Variants in BCDIN3D observed in about 807,000 individuals in gnomAD.
BCDIN3D encodes the protein RNA 5'-monophosphate methyltransferase.
A neutral mutation model predicts 21.2 loss-of-function variants in BCDIN3D; 15 were observed. The observed-to-expected ratio is 0.71, with a 90% CI of 0.47 to 1.09. The LOEUF is 1.09. Among genes scored for constraint, BCDIN3D ranks in the 50% least tolerant of loss-of-function variants. The pLI is 0.00. For synonymous variants in BCDIN3D, 127 were observed against 141.9 expected, an observed-to-expected ratio of 0.90 and a Z score of 0.75; for missense variants, 331 against 366.2, an observed-to-expected ratio of 0.90 and a Z score of 0.79.
At chr12:49,839,377 C>G (rs552086657) in intron 1 of BCDIN3D, 1 of 214,738 alleles carries the variant, frequency 4.7e-6, no homozygotes, top group African/African-American at 2.3e-5. Context: ...GACCCCAGGG[C>G]GGAAGAAAGG....
Position 49,838,533 on chromosome 12 carries a change from G to A in BCDIN3D, c.717C>T (p.Thr239=). 1 of 1,614,132 alleles carries A rather than the reference G, an allele frequency of 6.2e-7. No individual in the cohort carries two copies. Among genetic ancestry groups the A allele is most frequent in the South Asian group, 1.1e-5 (1 of 91,086 alleles). Reference sequence around the variant, plus strand: ...ATATTAATTCCATGCCATGATCCTGGGTCAAGATCTGCACAATCTGATTGG... The same window carrying A: ...ATATTAATTCCATGCCATGATCCTGAGTCAAGATCTGCACAATCTGATTGG... ...DMPNQIVQIL[T]QDHGMELICC... Residue 239 remains threonine, a synonymous_variant, in exon 2 of 2, where the codon ACC becomes ACT. Coordinates refer to ENST00000333924, the MANE Select transcript of BCDIN3D (RefSeq NM_181708.3).
rs1946511960 is a variant in BCDIN3D, at chr12:49,837,269, AGTT to A, written c.*1099_*1101del. 1 of 139,674 alleles carries A rather than the reference AGTT, an allele frequency of 7.2e-6. No homozygotes were observed. The highest frequency in any genetic ancestry group is 1.5e-5 in the Non-Finnish European group (1 of 65,202). 8.7% of individuals were successfully genotyped at this position (139,674 alleles called of 1,614,324 possible). On this transcript the variant is annotated 3_prime_UTR_variant, in exon 2 of 2. Transcript: ENST00000333924. ...ATTTGGGGACCATAAGCATGTAGGT[AGTT>A]GTTTTTTTTTTTGTTTTTTTTTTTT... is the stretch of plus-strand genomic sequence containing the variant.
rs1946519686 is a variant in BCDIN3D, at chr12:49,837,757, T to G, written c.*614A>C. Reference sequence around the variant, plus strand: ...GCCTCATTGTGAAATGTACTTAATATCACAAAATTGTATACTTTTAAAAAA... The same window carrying G: ...GCCTCATTGTGAAATGTACTTAATAGCACAAAATTGTATACTTTTAAAAAA... On this transcript the variant is annotated 3_prime_UTR_variant, in exon 2 of 2. Transcript: ENST00000333924. 6.6e-6 allele frequency: 1 copy of G among 151,554 alleles called. No homozygotes were observed. The highest frequency in any genetic ancestry group is 1.5e-5 in the Non-Finnish European group (1 of 68,034). 9.4% of individuals were successfully genotyped at this position (151,554 alleles called of 1,614,324 possible). A position where few individuals can be genotyped will look rare whatever the true frequency, so the allele number is the denominator to read the frequency against.
Position 49,838,622 on chromosome 12 carries a change from G to A in BCDIN3D, c.628C>T (p.Leu210Phe). 1 of 1,613,850 alleles carries A rather than the reference G, an allele frequency of 6.2e-7. No homozygotes were observed. Among genetic ancestry groups the A allele is most frequent in the East Asian group, 2.2e-5 (1 of 44,876 alleles). The part of the protein sequence containing the change: ...WKCYRAAARR[L>F]RKLGLHDFDH... ...AAATCATGGAGTCCCAGCTTTCGGAGACGCCTTGCAGCTGCCCGGTAACAC... is the reference window on the plus strand; with the variant it reads ...AAATCATGGAGTCCCAGCTTTCGGAAACGCCTTGCAGCTGCCCGGTAACAC... Residue 210 changes from leucine to phenylalanine, a missense_variant, in exon 2 of 2, where the codon CTC (leucine) becomes TTC (phenylalanine). Physicochemically the swap from Leu to Phe is conservative, Grantham distance 22. Coordinates refer to ENST00000333924, the MANE Select transcript of BCDIN3D (RefSeq NM_181708.3).
Position 49,843,101 on chromosome 12 carries a change from G to C in BCDIN3D, c.-14C>G. On this transcript the variant is annotated 5_prime_UTR_variant, in exon 1 of 2. Transcript: ENST00000333924. Reference sequence around the variant, plus strand: ...GGGCACCGCCATTAGCCTCAACACAGCCTCTGGGCCGTGGCGGAACCGGAA... The same window carrying C: ...GGGCACCGCCATTAGCCTCAACACACCCTCTGGGCCGTGGCGGAACCGGAA... The C allele has an allele frequency of 1.3e-6, 2 of 1,580,726 alleles. No individual in the cohort carries two copies. The highest frequency in any genetic ancestry group is 1.7e-6 in the Non-Finnish European group (2 of 1,159,762).
Position 49,838,906 on chromosome 12 carries a change from AG to A in BCDIN3D, c.343del (p.Leu115TrpfsTer2). 1 of 1,614,264 alleles carries A rather than the reference AG, an allele frequency of 6.2e-7. No homozygotes were observed. ...ACATTCTTTTTCGGCTCGCTTCACC[AG>A]GACTGGATCTATGTCGCAGCAGAGG... ...RLLCCDIDPV[L>X]VKRAEKECPF... is the part of the protein sequence containing the mutation. On this transcript the variant is annotated frameshift_variant, in exon 2 of 2. Coordinates refer to ENST00000333924, the MANE Select transcript of BCDIN3D (RefSeq NM_181708.3). LOFTEE classifies it high-confidence loss of function.
chr12:49,843,095 A>G lies in BCDIN3D; in HGVS notation c.-8T>C. The G allele has an allele frequency of 6.2e-7, 1 of 1,607,934 alleles. No individual in the cohort carries two copies. Among genetic ancestry groups the G allele is most frequent in the Non-Finnish European group, 8.5e-7 (1 of 1,175,428 alleles). The stretch of plus-strand genomic sequence containing the variant: ...TTCCGTGGGCACCGCCATTAGCCTC[A>G]ACACAGCCTCTGGGCCGTGGCGGAA... On this transcript the variant is annotated 5_prime_UTR_variant, in exon 1 of 2. Coordinates refer to ENST00000333924, the MANE Select transcript of BCDIN3D (RefSeq NM_181708.3).
intron 1 of BCDIN3D, 76 bp from the exon 2 acceptor site, chr12:49,839,091 A>C (rs755243166): frequency 3.5e-6 from 5 of 1,444,054 alleles, no homozygotes; most frequent in Non-Finnish European, 4.7e-6. Flanking sequence ...TCATTCTCCC[A>C]CTGAGAATGC....
At position 49,836,219 on chromosome 12, in the gene BCDIN3D, C is replaced by CTCT. The variant is rs1206742333; in HGVS notation, c.*2149_*2151dup. 9 of 152,236 alleles carry CTCT rather than the reference C, an allele frequency of 5.9e-5. No individual in the cohort carries two copies. Among genetic ancestry groups the CTCT allele is most frequent in the African/African-American group, 2.2e-4 (9 of 41,442 alleles). The allele number at this position is 152,236 out of a possible 1,614,324, so 9.4% of individuals were successfully genotyped here. A position where few individuals can be genotyped will look rare whatever the true frequency, so the allele number is the denominator to read the frequency against. On this transcript the variant is annotated 3_prime_UTR_variant, in exon 2 of 2. Transcript: ENST00000333924. The stretch of plus-strand genomic sequence containing the variant: ...CAGCCCTTCTTCATATCACTCCAAC[C>CTCT]TCTTGCTTTTGTCATTACATCTCCT...
Position 49,839,031 on chromosome 12 carries a change from A to C in BCDIN3D, c.235-16T>G, listed in dbSNP as rs1946533707. ...CACTCAGATCCTAGAGGAATCCAAA[A>C]CAGCTTTGTCACTGCAGTTCTCAAT... On this transcript the variant is annotated splice_polypyrimidine_tract_variant and intron_variant, in intron 1 of 1. Transcript: ENST00000333924. The C allele has an allele frequency of 6.2e-7, 1 of 1,602,308 alleles. No homozygotes were observed. Among genetic ancestry groups the C allele is most frequent in the Non-Finnish European group, 8.5e-7 (1 of 1,173,710 alleles).
In BCDIN3D at chr12:49,842,763, G is replaced by A. The variant is rs1377524672; in HGVS notation, c.234+91C>T. 10 of 1,167,174 alleles carry A rather than the reference G, an allele frequency of 8.6e-6. No homozygotes were observed. The African/African-American group carries it at 1.5e-4, about 18-fold the overall frequency. 72.3% of individuals were successfully genotyped at this position (1,167,174 alleles called of 1,614,324 possible). A position where few individuals can be genotyped will look rare whatever the true frequency, so the allele number is the denominator to read the frequency against. On this transcript the variant is annotated intron_variant, in intron 1 of 1. Coordinates refer to ENST00000333924, the MANE Select transcript of BCDIN3D (RefSeq NM_181708.3). ...TTTATACTCGTTTTGGGAAAGTTTC[G>A]ATGGGTGTTAGCCCAGGCCAGAACC... is the stretch of plus-strand genomic sequence containing the variant.
chr12:49,842,674 C>G (rs1231751497), intron 1 of BCDIN3D, 180 bp downstream of exon 1: 2 of 617,812 alleles, frequency 3.2e-6, no homozygotes, highest in East Asian at 2.8e-5. Context: ...AGAGAGATTC[C>G]TAAGACAGAT....
At chr12:49,841,686 G>A (rs1233714546) in intron 1 of BCDIN3D, among the ~76,000 whole-genome samples, 2 of 152,160 alleles carry the variant, frequency 1.3e-5, no homozygotes, top group Non-Finnish European at 2.9e-5. Context: ...TCCAGTCTTT[G>A]AGACTGTATC....
chr12:49,839,205 A>T (rs11169173), intron 1 of BCDIN3D, 190 bp from the exon 2 acceptor site: 1 of 596,536 alleles, frequency 1.7e-6, no homozygotes, highest in Admixed American at 3.1e-5. Context: ...TCCAGGGGTC[A>T]CATGCTGTAA....
At chr12:49,841,798 G>A (rs1311667756) in intron 1 of BCDIN3D, among the ~76,000 whole-genome samples, 1 of 152,140 alleles carries the variant, frequency 6.6e-6, no homozygotes, top group Non-Finnish European at 1.5e-5. Context: ...ATTGTCCCCC[G>A]CCCTCCAGAT....
chr12:49,841,933 A>G (rs1247694892), intron 1 of BCDIN3D, among the ~76,000 whole-genome samples: 1 of 152,212 alleles, frequency 6.6e-6, no homozygotes, highest in Non-Finnish European at 1.5e-5. Context: ...TGGGAGAGAC[A>G]TTTCCTTATT....
chr12:49,842,979 A>T lies in BCDIN3D; in HGVS notation c.109T>A (p.Tyr37Asn), dbSNP rs548370098. 6.2e-7 allele frequency: 1 copy of T among 1,614,170 alleles called. No individual in the cohort carries two copies. The highest frequency in any genetic ancestry group is 1.1e-5 in the South Asian group (1 of 91,082). ...TGCTCCGGAGGGTGGAAGCGAGAAT[A>T]ATGAGGAAAATTTCCGAACGGGGCG... ...GAAPFGNFPH[Y>N]SRFHPPEQRL... Residue 37 changes from tyrosine to asparagine, a missense_variant, in exon 1 of 2, where the codon TAT becomes AAT. Transcript: ENST00000333924.
chr12:49,839,473 GCGGTGGGGGA>G, intron 1 of BCDIN3D: 1 of 158,316 alleles, frequency 6.3e-6, no homozygotes, highest in South Asian at 1.8e-4. Flanking sequence ...TCTCAGACCC[GCGGTGGGGGA>G]AGTCTGGATT....
Position 49,837,448 on chromosome 12 carries a change from C to T in BCDIN3D, c.*923G>A, listed in dbSNP as rs950506318. ...GACTACAGGCGCCCGCCACTACGCCCGGCTAATTTTTTGTATTTTTAGTAG... is the reference window on the plus strand; with the variant it reads ...GACTACAGGCGCCCGCCACTACGCCTGGCTAATTTTTTGTATTTTTAGTAG... On this transcript the variant is annotated 3_prime_UTR_variant, in exon 2 of 2. Coordinates refer to ENST00000333924, the MANE Select transcript of BCDIN3D (RefSeq NM_181708.3). The T allele has an allele frequency of 1.3e-5, 2 of 151,452 alleles. No individual in the cohort carries two copies. The highest frequency in any genetic ancestry group is 2.4e-5 in the African/African-American group (1 of 41,194). The allele number at this position is 151,452 out of a possible 1,614,324, so 9.4% of individuals were successfully genotyped here. A position where few individuals can be genotyped will look rare whatever the true frequency, so the allele number is the denominator to read the frequency against.
Sources: gnomAD v4.1 joint callset for allele counts (sites outside exome capture counted in the v4.1 genomes callset) on GRCh38, gnomAD v4.1.1 for gene constraint, MANE v1.5 for transcripts, NCBI Gene and HGNC (gene_info 2026-07-23, HGNC 2026-07-21) for gene names.